Variants in NELL1 observed in about 807,000 individuals in gnomAD.
NELL1 encodes the protein protein kinase C-binding protein NELL1.
In NELL1, 76 loss-of-function variants were observed where a neutral mutation model predicts 107.4. That is an observed-to-expected ratio of 0.71 (90% CI 0.59 to 0.86). The LOEUF (loss-of-function observed/expected upper bound fraction) is 0.86, where lower values mean the gene tolerates loss of function less well. Ranked by LOEUF, NELL1 falls within the 40% of genes least tolerant of loss-of-function variation. NELL1 has a pLI of 0.00. For synonymous variants in NELL1, 353 were observed against 341.2 expected, an observed-to-expected ratio of 1.03 and a Z score of -0.38; for missense variants, 1,024 against 1,005.5, an observed-to-expected ratio of 1.02 and a Z score of -0.25.
intron 12 of NELL1, among the ~76,000 whole-genome samples, chr11:20,963,998 T>C (rs1211016440): frequency 6.6e-6 from 1 of 152,156 alleles, no homozygotes; most frequent in Non-Finnish European, 1.5e-5. Flanking sequence ...GTAGAGAAGA[T>C]AGCTGAACTC....
chr11:21,377,315 AT>A (rs1330291343), intron 15 of NELL1, among the ~76,000 whole-genome samples: 1 of 151,970 alleles, frequency 6.6e-6, no homozygotes, highest in African/African-American at 2.4e-5. Context: ...TATGGTTTTC[AT>A]TTTTAATTCT....
chr11:21,233,833 G>C (rs1250197585), intron 14 of NELL1, among the ~76,000 whole-genome samples: 1 of 152,174 alleles, frequency 6.6e-6, no homozygotes, highest in Non-Finnish European at 1.5e-5. Flanking sequence ...TCTGTCATTA[G>C]CTCTGGATAG....
At chr11:21,305,730 TTC>T (rs1849590938) in intron 14 of NELL1, among the ~76,000 whole-genome samples, 1 of 151,910 alleles carries the variant, frequency 6.6e-6, no homozygotes, top group South Asian at 2.1e-4. Flanking sequence ...ACAGTATAGA[TTC>T]TATATATATA....
At chr11:21,114,116 G>C (rs181215769) in intron 13 of NELL1, among the ~76,000 whole-genome samples, 11 of 152,156 alleles carry the variant, frequency 7.2e-5, no homozygotes, top group Non-Finnish European at 1.2e-4. Context: ...TAAATTTAAA[G>C]AGGTGACAGG....
rs1041542312 is a variant in NELL1 at position 20,957,601 on chromosome 11, G to A, written c.1172-2831G>A. On this transcript the variant is annotated intron_variant, in intron 11 of 19. Transcript: ENST00000357134. ...AGATGTGCAAAGCCTGAAGATATTAGAATTATCAATATAAAATATTTATAT... is the reference window on the plus strand; with the variant it reads ...AGATGTGCAAAGCCTGAAGATATTAAAATTATCAATATAAAATATTTATAT... Among the ~76,000 whole-genome samples, 15 of 152,014 alleles carry A rather than the reference G, an allele frequency of 9.9e-5. No homozygotes were observed. In the East Asian group the frequency reaches 2.7e-3, roughly 27 times the overall value.
chr11:21,369,471 G>A (rs1038272826), intron 14 of NELL1, among the ~76,000 whole-genome samples: 4 of 150,334 alleles, frequency 2.7e-5, no homozygotes, highest in African/African-American at 9.8e-5. Flanking sequence ...GGCAGAGGAA[G>A]TTGAAATTAA....
At chr11:21,048,706 C>G (rs1204875632) in intron 12 of NELL1, among the ~76,000 whole-genome samples, 2 of 152,280 alleles carry the variant, frequency 1.3e-5, no homozygotes, top group African/African-American at 4.8e-5. Flanking sequence ...TACCAACTAC[C>G]TTACGATTCT....
intron 15 of NELL1, among the ~76,000 whole-genome samples, chr11:21,408,113 T>C (rs188624465): frequency 1.3e-5 from 2 of 151,980 alleles, no homozygotes; most frequent in Non-Finnish European, 2.9e-5. Context: ...GAGTTGATCA[T>C]AGCTCTCTTT....
chr11:21,233,872 T>C (rs1389873622), intron 14 of NELL1, among the ~76,000 whole-genome samples: 1 of 152,224 alleles, frequency 6.6e-6, no homozygotes, highest in Non-Finnish European at 1.5e-5. Flanking sequence ...AGCATTCTTG[T>C]CTTAATGACT....
At chr11:21,482,301 C>A (rs2133901540) in intron 15 of NELL1, among the ~76,000 whole-genome samples, 1 of 152,212 alleles carries the variant, frequency 6.6e-6, no homozygotes, top group East Asian at 1.9e-4. Context: ...TGTCATTCCC[C>A]AAAAGTTCTG....
At chr11:21,145,804 G>A (rs1855965985) in intron 13 of NELL1, among the ~76,000 whole-genome samples, 1 of 152,192 alleles carries the variant, frequency 6.6e-6, no homozygotes, top group African/African-American at 2.4e-5. Context: ...ACCAGGAGTA[G>A]CACGTGTGTT....
At chr11:20,828,815 A>G (rs1293185434) in intron 3 of NELL1, among the ~76,000 whole-genome samples, 3 of 152,176 alleles carry the variant, frequency 2.0e-5, no homozygotes, top group Admixed American at 1.3e-4. Context: ...TAGAAGGTGG[A>G]TTTCACAATT....
chr11:20,936,770 A>T (rs767732777), intron 9 of NELL1, among the ~76,000 whole-genome samples: 3 of 152,240 alleles, frequency 2.0e-5, no homozygotes, highest in African/African-American at 7.2e-5. Context: ...AATGAAGAAT[A>T]ACTGAGCATC....
chr11:21,156,676 G>A (rs1856243438), intron 13 of NELL1, among the ~76,000 whole-genome samples: 1 of 152,194 alleles, frequency 6.6e-6, no homozygotes, highest in South Asian at 2.1e-4. Context: ...GGTGAAGATT[G>A]TTATTTTTGT....
At chr11:20,721,197 A>ATATATATATATATATATATATATATATT (rs1253237083) in intron 2 of NELL1, among the ~76,000 whole-genome samples, 2 of 108,318 alleles carry the variant, frequency 1.8e-5, no homozygotes, top group African/African-American at 1.1e-4. Flanking sequence ...ATATATATAT[A>ATATATATATATATATATATATATATATT]GTGTATATAT....
intron 4 of NELL1, among the ~76,000 whole-genome samples, chr11:20,863,907 A>G (rs1849043309): frequency 6.6e-6 from 1 of 152,170 alleles, no homozygotes; most frequent in Non-Finnish European, 1.5e-5. Flanking sequence ...GGAGCTGGAG[A>G]CCAGCCCGGC....
chr11:21,567,712 GGATAAAGTA>G (rs1228932563), intron 17 of NELL1, among the ~76,000 whole-genome samples: 1 of 151,720 alleles, frequency 6.6e-6, no homozygotes, highest in African/African-American at 2.4e-5. Context: ...GCGTTGTTGT[GGATAAAGTA>G]GATAAAGACC....
chr11:20,958,364 G>A (rs545922660), intron 11 of NELL1, among the ~76,000 whole-genome samples: 7 of 152,208 alleles, frequency 4.6e-5, no homozygotes, highest in African/African-American at 1.7e-4. Flanking sequence ...AAAGAGCAAC[G>A]ATTGTGCCAC....
chr11:20,700,194 C>G (rs1854739269), intron 2 of NELL1, among the ~76,000 whole-genome samples: 1 of 152,054 alleles, frequency 6.6e-6, no homozygotes, highest in African/African-American at 2.4e-5. Flanking sequence ...ATATGTATTT[C>G]AATAGGCTGG....
Sources: allele counts gnomAD v4.1 joint callset (sites outside exome capture counted in the v4.1 genomes callset), GRCh38; gene constraint gnomAD v4.1.1; transcripts MANE v1.5; gene names NCBI Gene and HGNC (gene_info 2026-07-23, HGNC 2026-07-21).